The following FREM2 variants were observed in gnomAD, a reference collection of about 807,000 sequenced individuals.
The protein encoded by FREM2 is FRAS1 related extracellular matrix 2, also known as FRAS1-related extracellular matrix protein 2.
Under a neutral mutation model 219.9 loss-of-function variants are expected in FREM2, and 119 were observed. That is an observed-to-expected ratio of 0.54 (90% CI 0.47 to 0.63). The LOEUF is 0.63. FREM2 is among the 30% of genes least tolerant of loss of function. FREM2 has a pLI of 0.00. For missense variants in FREM2, 4,030 were observed against 3,993.6 expected (o/e 1.01, Z -0.25); for synonymous variants, 1,562 against 1,522.8 (o/e 1.03, Z -0.60).
At chr13:38,867,001 T>C (rs759636914) in intron 16 of FREM2, among the ~76,000 whole-genome samples, 118 of 152,352 alleles carry the variant, frequency 7.7e-4, no homozygotes, top group Non-Finnish European at 1.3e-3. Flanking sequence ...TATACTTTGC[T>C]AGATTTTTAA....
chr13:38,789,780 T>G (rs1413126915), intron 6 of FREM2, among the ~76,000 whole-genome samples: 1 of 150,292 alleles, frequency 6.7e-6, no homozygotes, highest in African/African-American at 2.4e-5. Flanking sequence ...TATCATGCTT[T>G]ATTTTTTCTT....
rs150292162 is a variant in FREM2, at chr13:38,689,044, C to G, written c.1700C>G (p.Thr567Arg). The change falls in exon 1 of 24, where the codon ACG (threonine) becomes AGG (arginine). Residue 567 changes from threonine to arginine, a missense_variant. Physicochemically the swap from Thr to Arg is moderately conservative, Grantham distance 71. This residue lies in a region of FREM2 where 3,102 missense variants were observed against 2,950.7 expected (regional missense o/e 1.05). Coordinates refer to ENST00000280481, the MANE Select transcript of FREM2 (RefSeq NM_207361.6). ...CAGCCACCTGTTCTCAATGCCAACACGGGGCTGACACTGGCAGAGGGTGAA... is the reference window on the plus strand; with the variant it reads ...CAGCCACCTGTTCTCAATGCCAACAGGGGGCTGACACTGGCAGAGGGTGAA... ...DDQPPVLNAN[T>R]GLTLAEGETV... The G allele has an allele frequency of 1.2e-6, 2 of 1,613,714 alleles. No individual in the cohort carries two copies. Among genetic ancestry groups the G allele is most frequent in the East Asian group, 2.2e-5 (1 of 44,848 alleles).
chr13:38,721,140 C>T (rs1871224601), intron 2 of FREM2, among the ~76,000 whole-genome samples: 1 of 151,998 alleles, frequency 6.6e-6, no homozygotes, highest in Non-Finnish European at 1.5e-5. Context: ...ACATCCTGCA[C>T]ATGTACCCTG....
intron 6 of FREM2, among the ~76,000 whole-genome samples, chr13:38,840,638 A>T (rs71423186): frequency 6.8e-6 from 1 of 146,036 alleles, no homozygotes; most frequent in Admixed American, 6.7e-5. Flanking sequence ...ATATATATAT[A>T]TATATATGTG....
At chr13:38,873,181 C>CGATCTATTTTAGG (rs1878225493) in intron 17 of FREM2, among the ~76,000 whole-genome samples, 1 of 151,782 alleles carries the variant, frequency 6.6e-6, no homozygotes, top group Admixed American at 6.6e-5. Context: ...TTTATCCTTG[C>CGATCTATTTTAGG]GATCTATTTT....
chr13:38,769,882 C>T, intron 4 of FREM2, 74 bp downstream of exon 4: 6 of 1,063,970 alleles, frequency 5.6e-6, no homozygotes, highest in Non-Finnish European at 1.5e-6. Flanking sequence ...AGGGGTATAG[C>T]TTACAGTTTT....
Position 38,874,574 on chromosome 13 carries a change from C to G in FREM2, c.8269C>G (p.Leu2757Val). The change falls in exon 18 of 24, where the codon CTG becomes GTG. Residue 2757 changes from leucine to valine, a missense_variant. This residue lies in a region of FREM2 where 928 missense variants were observed against 1,042.9 expected (regional missense o/e 0.89). Coordinates refer to ENST00000280481, the MANE Select transcript of FREM2 (RefSeq NM_207361.6). ...TEAQFHGLFV[L>V]SHPASFTSSV... ...GGCTCAGTTCCATGGCTTATTTGTG[C>G]TGTCACATCCCGGTAAGCCCCGTTA... is the stretch of plus-strand genomic sequence containing the variant. The G allele has an allele frequency of 6.2e-7, 1 of 1,613,688 alleles. No individual in the cohort carries two copies. The highest frequency in any genetic ancestry group is 1.1e-5 in the South Asian group (1 of 91,078).
At chr13:38,863,866 T>G (rs1201122090) in intron 15 of FREM2, among the ~76,000 whole-genome samples, 1 of 152,140 alleles carries the variant, frequency 6.6e-6, no homozygotes, top group Non-Finnish European at 1.5e-5. Context: ...GAGTTTCACC[T>G]TTGATGTCCA....
At chr13:38,742,168 T>C (rs563122017) in intron 2 of FREM2, among the ~76,000 whole-genome samples, 2 of 152,328 alleles carry the variant, frequency 1.3e-5, no homozygotes, top group African/African-American at 4.8e-5. Flanking sequence ...TCTTTACAAG[T>C]CCTATTTATC....
At chr13:38,782,564 T>A (rs1317445916) in intron 4 of FREM2, among the ~76,000 whole-genome samples, 1 of 152,206 alleles carries the variant, frequency 6.6e-6, no homozygotes, top group Non-Finnish European at 1.5e-5. Context: ...CAAAAAGAAC[T>A]CACTTTGGAT....
chr13:38,756,413 C>T (rs1180837212), intron 2 of FREM2, among the ~76,000 whole-genome samples: 1 of 152,064 alleles, frequency 6.6e-6, no homozygotes, highest in Non-Finnish European at 1.5e-5. Context: ...ACACGGCACA[C>T]TCACAGTCTG....
intron 6 of FREM2, among the ~76,000 whole-genome samples, chr13:38,815,754 G>C (rs1329378637): frequency 6.6e-6 from 1 of 152,162 alleles, no homozygotes. Flanking sequence ...GGAGCCAGAA[G>C]GTGCAAGATC....
chr13:38,801,737 C>T (rs545382838), intron 6 of FREM2, among the ~76,000 whole-genome samples: 77 of 152,202 alleles, frequency 5.1e-4, no homozygotes, highest in South Asian at 5.0e-3. Context: ...GTAACCTAAG[C>T]ATGCCTGTCT....
intron 2 of FREM2, among the ~76,000 whole-genome samples, chr13:38,722,745 G>GTTTTT (rs78258671): frequency 1.7e-4 from 24 of 140,052 alleles, no homozygotes; most frequent in African/African-American, 4.9e-4. Flanking sequence ...AGCTGGTAAC[G>GTTTTT]TTTTTTTTTT....
At chr13:38,825,331 G>A (rs1028317697) in intron 6 of FREM2, among the ~76,000 whole-genome samples, 1 of 152,008 alleles carries the variant, frequency 6.6e-6, no homozygotes, top group Admixed American at 6.6e-5. Flanking sequence ...ATGTATGCAG[G>A]CAGGAGGGTT....
chr13:38,874,176 T>C (rs1878264197), intron 17 of FREM2, among the ~76,000 whole-genome samples: 1 of 152,204 alleles, frequency 6.6e-6, no homozygotes, highest in African/African-American at 2.4e-5. Flanking sequence ...AATTTTGTCA[T>C]GCCTCTCAAT....
intron 1 of FREM2, among the ~76,000 whole-genome samples, chr13:38,693,400 A>G (rs907503792): frequency 1.3e-5 from 2 of 152,252 alleles, no homozygotes; most frequent in Non-Finnish European, 1.5e-5. Context: ...GTCTTTAGGC[A>G]ACAGGATTTT....
intron 13 of FREM2, among the ~76,000 whole-genome samples, chr13:38,858,949 A>T (rs1302725939): frequency 7.1e-6 from 1 of 141,736 alleles, no homozygotes; most frequent in East Asian, 2.3e-4. Flanking sequence ...CGAGTTCATG[A>T]CTTACTGGAT....
chr13:38,879,162 C>A (rs2137941515), intron 23 of FREM2, among the ~76,000 whole-genome samples, 185 bp downstream of exon 23: 1 of 152,332 alleles, frequency 6.6e-6, no homozygotes, highest in South Asian at 2.1e-4. Flanking sequence ...ATGGTGAGCA[C>A]TCCATAAACC....
Sources: gnomAD v4.1 joint callset for allele counts (sites outside exome capture counted in the v4.1 genomes callset) on GRCh38, gnomAD v4.1.1 for gene constraint, gnomAD v4.1.1 regional missense constraint, MANE v1.5 for transcripts, NCBI Gene and HGNC (gene_info 2026-07-23, HGNC 2026-07-21) for gene names.